Variants in RPN2 observed in about 807,000 individuals in gnomAD.
RPN2 encodes the protein ribophorin II, also known as dolichyl-diphosphooligosaccharide--protein glycosyltransferase subunit 2.
In RPN2, 29 loss-of-function variants were observed where a neutral mutation model predicts 71.4. The ratio of observed to expected loss-of-function variants is 0.41; its 90% CI spans 0.30 to 0.55. RPN2 has a LOEUF of 0.55. Ranked by LOEUF, RPN2 falls within the 20% of genes least tolerant of loss-of-function variation. The pLI is 0.35. For missense variants in RPN2, 726 were observed against 774.1 expected, an observed-to-expected ratio of 0.94 and a Z score of 0.74; for synonymous variants, 308 against 305.0, an observed-to-expected ratio of 1.01 and a Z score of -0.10.
intron 14 of RPN2, 92 bp downstream of exon 14, chr20:37,232,483 A>C (rs2068280193): frequency 1.4e-6 from 2 of 1,473,456 alleles, no homozygotes; most frequent in African/African-American, 1.4e-5. Flanking sequence ...GTCTGGCCTC[A>C]GTAAAGCTCC....
intron 8 of RPN2, among the ~76,000 whole-genome samples, chr20:37,211,455 A>T (rs68077280): frequency 6.7e-6 from 1 of 150,162 alleles, no homozygotes; most frequent in African/African-American, 2.4e-5. Context: ...CCTGGCCAAC[A>T]TGGCGAAACC....
At position 37,199,114 on chromosome 20, in the gene RPN2, C is replaced by A. The variant is rs771242581; in HGVS notation, c.368C>A (p.Thr123Asn). 1 of 1,613,570 alleles carries A rather than the reference C, an allele frequency of 6.2e-7. No homozygotes were observed. Among genetic ancestry groups the A allele is most frequent in the East Asian group, 2.2e-5 (1 of 44,886 alleles). ...GCTGTCAGTGAGGACTCATCTGTTA[C>A]CCAGATCTACCATGCAGTTGCAGCT... ...LAAVSEDSSV[T>N]QIYHAVAALS... Residue 123 changes from threonine (T) to asparagine (N), a missense_variant, in exon 4 of 17, where the codon ACC (threonine) becomes AAC (asparagine). Physicochemically the swap from Thr to Asn is moderately conservative, Grantham distance 65. Transcript: ENST00000237530.
chr20:37,232,276 C>G lies in RPN2; in HGVS notation c.1582-20C>G, dbSNP rs2068268910. 1 of 1,614,076 alleles carries G rather than the reference C, an allele frequency of 6.2e-7. No homozygotes were observed. The highest frequency in any genetic ancestry group is 1.3e-5 in the African/African-American group (1 of 74,936). On this transcript the variant is annotated intron_variant, in intron 13 of 16. Coordinates refer to ENST00000237530, the MANE Select transcript of RPN2 (RefSeq NM_002951.5). ...TGGGAAGGGCACATTCTTAAGTCTT[C>G]TTGGTGTGTCTTTCGGCAGCACCTG... is the stretch of plus-strand genomic sequence containing the variant.
At chr20:37,238,608 T>C (rs764210842) in intron 16 of RPN2, among the ~76,000 whole-genome samples, 6 of 152,132 alleles carry the variant, frequency 3.9e-5, no homozygotes, top group Non-Finnish European at 8.8e-5. Context: ...ACTTGCTAGA[T>C]GAGGTTGTGA....
chr20:37,224,418 C>G (rs1169114228), intron 10 of RPN2, among the ~76,000 whole-genome samples: 2 of 152,104 alleles, frequency 1.3e-5, no homozygotes, highest in Admixed American at 1.3e-4. Flanking sequence ...GTCTCTCTGG[C>G]CTATGATGGG....
intron 1 of RPN2, among the ~76,000 whole-genome samples, chr20:37,183,735 T>C (rs2021918987): frequency 6.6e-6 from 1 of 152,054 alleles, no homozygotes; most frequent in African/African-American, 2.4e-5. Flanking sequence ...ATTCTGAAAG[T>C]AAAAATTAAG....
chr20:37,191,530 T>C (rs1427721719), intron 2 of RPN2, among the ~76,000 whole-genome samples: 1 of 151,580 alleles, frequency 6.6e-6, no homozygotes, highest in Non-Finnish European at 1.5e-5. Flanking sequence ...ACTTTGGGGA[T>C]GCCGAGGCAG....
chr20:37,198,017 T>C (rs1568969712), intron 2 of RPN2, among the ~76,000 whole-genome samples: 1 of 152,202 alleles, frequency 6.6e-6, no homozygotes, highest in Non-Finnish European at 1.5e-5. Context: ...TCAGGTTACT[T>C]GCCAATTTGG....
intron 3 of RPN2, among the ~76,000 whole-genome samples, 165 bp from the exon 4 acceptor site, chr20:37,198,885 C>T (rs756754064): frequency 2.0e-5 from 3 of 152,006 alleles, no homozygotes; most frequent in African/African-American, 7.3e-5. Context: ...AGTGTTGTAC[C>T]GAAGTTTTGC....
At chr20:37,224,039 T>C (rs1326797344) in intron 10 of RPN2, 70 bp downstream of exon 10, 11 of 1,308,510 alleles carry the variant, frequency 8.4e-6, no homozygotes, top group Non-Finnish European at 1.2e-5. Context: ...GCCTAGGCAC[T>C]GAGCCCTGCA....
intron 9 of RPN2, among the ~76,000 whole-genome samples, chr20:37,220,548 A>G (rs1364478549): frequency 6.6e-6 from 1 of 152,160 alleles, no homozygotes; most frequent in African/African-American, 2.4e-5. Flanking sequence ...GCGTTAAAAC[A>G]TTTTTTGAGA....
At chr20:37,216,786 A>G (rs1273644674) in intron 9 of RPN2, among the ~76,000 whole-genome samples, 3 of 152,046 alleles carry the variant, frequency 2.0e-5, no homozygotes, top group Admixed American at 2.0e-4. Flanking sequence ...GAACATTTTT[A>G]AAGTTGTTTT....
rs77568639 is a variant in RPN2, at chr20:37,239,573, ATTTGTTTG to A, written c.1884-1702_1884-1695del. Among the ~76,000 whole-genome samples, 513 of 149,536 alleles carry A rather than the reference ATTTGTTTG, an allele frequency of 3.4e-3. 4 individuals are homozygous for A. The highest frequency in any genetic ancestry group is 0.028 in the South Asian group (132 of 4,712). On this transcript the variant is annotated intron_variant, in intron 16 of 16. Coordinates refer to ENST00000237530, the MANE Select transcript of RPN2 (RefSeq NM_002951.5). ...AGTCCTCAACACAGAAGGGAACTGC[ATTTGTTTG>A]TTTGTTTGTTTGTTTGTTTGTTTGT...
intron 7 of RPN2, 88 bp from the exon 8 acceptor site, chr20:37,209,959 T>A: frequency 1.9e-6 from 3 of 1,583,428 alleles, no homozygotes; most frequent in Non-Finnish European, 2.6e-6. Flanking sequence ...CCTGCAGAGC[T>A]TGCAACCTAT....
At chr20:37,238,504 C>G in intron 16 of RPN2, 1 of 1,248,544 alleles carries the variant, frequency 8.0e-7, no homozygotes, top group Non-Finnish European at 1.2e-6. Context: ...CCGTCTTGCC[C>G]GCCTCATGCA....
chr20:37,241,475 C>A lies in RPN2; in HGVS notation c.*160C>A. ...TTTGCTTGTTTTTCAGTTTCCCCAA[C>A]ACACAGCAGATACCTGGTGAGCTCA... On this transcript the variant is annotated 3_prime_UTR_variant, in exon 17 of 17. Coordinates refer to ENST00000237530, the MANE Select transcript of RPN2 (RefSeq NM_002951.5). 1 of 796,024 alleles carries A rather than the reference C, an allele frequency of 1.3e-6. No individual in the cohort carries two copies. The highest frequency in any genetic ancestry group is 2.1e-6 in the Non-Finnish European group (1 of 481,928). The allele number at this position is 796,024 out of a possible 1,614,324, so 49.3% of individuals were successfully genotyped here.
rs34488353 is a variant in RPN2, at chr20:37,207,423, G to T, written c.841G>T (p.Asp281Tyr). Residue 281 changes from aspartate (D) to tyrosine (Y), a missense_variant, in exon 7 of 17, where the codon GAC (aspartate) becomes TAC (tyrosine). Transcript: ENST00000237530. ...VVVVPEGSASDTHEQAILRLQ... is the reference protein window; with the variant it reads ...VVVVPEGSASYTHEQAILRLQ... The stretch of plus-strand genomic sequence containing the variant: ...GGTTGTGCCTGAGGGCTCTGCTTCC[G>T]ACACTCATGAACAGGCTATCTTGCG... The T allele has an allele frequency of 5.6e-6, 9 of 1,614,156 alleles. No individual in the cohort carries two copies. The South Asian group carries it at 8.8e-5, about 16-fold the overall frequency.
rs376396761 is a variant in RPN2 at position 37,237,070 on chromosome 20, A to G, written c.1883+361A>G. Among the ~76,000 whole-genome samples, 39 of 152,140 alleles carry G rather than the reference A, an allele frequency of 2.6e-4. No homozygotes were observed. In the South Asian group the frequency reaches 7.5e-3, roughly 29 times the overall value. On this transcript the variant is annotated intron_variant, in intron 16 of 16. Transcript: ENST00000237530. ...TCCTGCCCTGCCCTCCCCACCCTCAACATGTCCCCGAGAGCTGCTCCTCTG... is the reference window on the plus strand; with the variant it reads ...TCCTGCCCTGCCCTCCCCACCCTCAGCATGTCCCCGAGAGCTGCTCCTCTG...
chr20:37,204,982 G>C, intron 6 of RPN2, 81 bp downstream of exon 6: 5 of 1,596,818 alleles, frequency 3.1e-6, no homozygotes, highest in Non-Finnish European at 3.4e-6. Flanking sequence ...TATCAGAGAG[G>C]AATGTTCAGA....
Sources: gnomAD v4.1 joint callset for allele counts (sites outside exome capture counted in the v4.1 genomes callset) on GRCh38, gnomAD v4.1.1 for gene constraint, MANE v1.5 for transcripts, NCBI Gene and HGNC (gene_info 2026-07-23, HGNC 2026-07-21) for gene names.